Variants in FTO observed in about 807,000 individuals in gnomAD.
FTO encodes the protein FTO alpha-ketoglutarate dependent dioxygenase.
FTO carries 47 observed loss-of-function variants against 63.9 expected under a neutral mutation model. The ratio of observed to expected loss-of-function variants is 0.74; its 90% CI spans 0.58 to 0.94. The LOEUF (loss-of-function observed/expected upper bound fraction) is 0.94. Among genes scored for constraint, FTO ranks in the 40% least tolerant of loss-of-function variants. The probability of loss-of-function intolerance (pLI) is 0.00; values close to 1 mark genes in which losing one functional copy is unlikely to be tolerated. For synonymous variants in FTO, 207 were observed against 224.4 expected (o/e 0.92, Z 0.69); for missense variants, 562 against 618.1 (o/e 0.91, Z 0.96).
intron 1 of FTO, among the ~76,000 whole-genome samples, chr16:53,741,951 T>C (rs2076537078): frequency 6.6e-6 from 1 of 152,164 alleles, no homozygotes; most frequent in Non-Finnish European, 1.5e-5. Context: ...CCATACTGGC[T>C]GTTGGCTGGA....
At chr16:53,728,285 C>T (rs998018804) in intron 1 of FTO, among the ~76,000 whole-genome samples, 2 of 152,048 alleles carry the variant, frequency 1.3e-5, no homozygotes, top group Admixed American at 1.3e-4. Context: ...ATAAACATTC[C>T]AGAGCCTGAC....
intron 8 of FTO, among the ~76,000 whole-genome samples, chr16:53,977,211 G>A (rs1323069459): frequency 1.3e-5 from 2 of 152,004 alleles, no homozygotes; most frequent in African/African-American, 2.4e-5. Context: ...ATCAGATATT[G>A]TTTTGAGGGG....
At chr16:53,737,356 A>G (rs1211846183) in intron 1 of FTO, among the ~76,000 whole-genome samples, 1 of 152,210 alleles carries the variant, frequency 6.6e-6, no homozygotes, top group Non-Finnish European at 1.5e-5. Context: ...TGTGAACGTC[A>G]TAGAGTGCAC....
chr16:53,891,215 C>T (rs958486714), intron 7 of FTO, among the ~76,000 whole-genome samples: 1 of 152,058 alleles, frequency 6.6e-6, no homozygotes, highest in African/African-American at 2.4e-5. Flanking sequence ...TGGTCTCCAA[C>T]TCCTGACCTC....
intron 8 of FTO, chr16:54,070,237 C>T (rs552037714): frequency 3.3e-5 from 5 of 152,088 alleles, no homozygotes; most frequent in Admixed American, 6.5e-5. Context: ...AAATGAGACT[C>T]AGTTGAGATC....
At chr16:53,902,833 G>A (rs1363246503) in intron 7 of FTO, among the ~76,000 whole-genome samples, 2 of 152,182 alleles carry the variant, frequency 1.3e-5, no homozygotes, top group African/African-American at 4.8e-5. Context: ...TATCAACGTG[G>A]CCGGGCATGG....
intron 8 of FTO, among the ~76,000 whole-genome samples, chr16:54,086,187 A>G (rs1490533482): frequency 2.0e-5 from 3 of 152,228 alleles, no homozygotes; most frequent in South Asian, 2.1e-4. Flanking sequence ...ACACAATTAT[A>G]TAAAATTTCA....
In FTO at chr16:53,732,046, T is replaced by A. The variant is rs1340602487; in HGVS notation, c.45+27817T>A. On this transcript the variant is annotated intron_variant, in intron 1 of 8. Coordinates refer to ENST00000471389, the MANE Select transcript of FTO (RefSeq NM_001080432.3). ...CCAGCCCTCATTGTGGCCTTATTTT[T>A]TTTTTTTTTTTTTTTTTTTTGAGAC... 1.5e-5 allele frequency among the ~76,000 whole-genome samples: 2 copies of A among 133,830 alleles called. 1 individual carries two copies. The highest frequency in any genetic ancestry group is 5.0e-4 in the South Asian group (2 of 4,002). 87.8% of individuals were successfully genotyped at this position (133,830 alleles called of 152,430 possible).
At chr16:53,831,604 C>T (rs896897870) in intron 3 of FTO, among the ~76,000 whole-genome samples, 6 of 152,080 alleles carry the variant, frequency 3.9e-5, no homozygotes, top group African/African-American at 7.2e-5. Context: ...GACAAAAATC[C>T]CTGCCCTCAT....
At chr16:53,813,746 G>C (rs1426266985) in intron 2 of FTO, among the ~76,000 whole-genome samples, 2 of 152,138 alleles carry the variant, frequency 1.3e-5, no homozygotes, top group Non-Finnish European at 2.9e-5. Flanking sequence ...GATCCTTACA[G>C]TGTGCTAGGC....
chr16:53,712,549 A>G (rs1567919322), intron 1 of FTO, among the ~76,000 whole-genome samples: 2 of 152,156 alleles, frequency 1.3e-5, no homozygotes, highest in Non-Finnish European at 2.9e-5. Context: ...AACCAGCTAA[A>G]CTATCGAGTA....
chr16:53,877,445 A>G (rs2080689534), intron 5 of FTO, among the ~76,000 whole-genome samples: 1 of 152,226 alleles, frequency 6.6e-6, no homozygotes, highest in Non-Finnish European at 1.5e-5. Context: ...GTCACAAAAG[A>G]TACATATTAT....
intron 8 of FTO, among the ~76,000 whole-genome samples, chr16:53,950,200 G>A (rs998468342): frequency 2.1e-5 from 2 of 93,518 alleles, no homozygotes; most frequent in African/African-American, 5.9e-5. Flanking sequence ...GCTCACAGAT[G>A]GTCCTGTTCA....
At chr16:53,891,098 C>G (rs2081134482) in intron 7 of FTO, among the ~76,000 whole-genome samples, 1 of 151,490 alleles carries the variant, frequency 6.6e-6, no homozygotes, top group African/African-American at 2.4e-5. Context: ...TCAAGTGATT[C>G]TCCTGCCTCA....
In FTO at chr16:53,873,449, A is replaced by G. The variant is rs1381021955; in HGVS notation, c.896-337A>G. Among the ~76,000 whole-genome samples the G allele has an allele frequency of 2.7e-5, 4 of 149,898 alleles. No individual in the cohort carries two copies. The South Asian group carries it at 8.4e-4, about 31-fold the overall frequency. The stretch of plus-strand genomic sequence containing the variant: ...ATACATATTTAGTTATATACATATG[A>G]TTATATATATCTACTTATATATACT... On this transcript the variant is annotated intron_variant, in intron 4 of 8. Transcript: ENST00000471389.
intron 4 of FTO, among the ~76,000 whole-genome samples, chr16:53,865,955 GAGACATCCTT>G (rs1278437703): frequency 6.6e-6 from 1 of 152,144 alleles, no homozygotes. Context: ...ATGTTGAGAG[GAGACATCCTT>G]GTCTTTTTCT....
intron 8 of FTO, among the ~76,000 whole-genome samples, chr16:54,020,974 A>C (rs2144145852): frequency 6.6e-6 from 1 of 152,320 alleles, no homozygotes; most frequent in South Asian, 2.1e-4. Flanking sequence ...TTGTCTCAAA[A>C]AAAGAAAAAA....
intron 8 of FTO, among the ~76,000 whole-genome samples, chr16:54,003,526 C>A (rs1435465667): frequency 2.0e-5 from 3 of 151,910 alleles, no homozygotes; most frequent in African/African-American, 7.3e-5. Context: ...AAAATCTGTT[C>A]TTTATTTTTT....
At chr16:53,836,317 G>T (rs976050587) in intron 3 of FTO, among the ~76,000 whole-genome samples, 1 of 152,164 alleles carries the variant, frequency 6.6e-6, no homozygotes, top group African/African-American at 2.4e-5. Flanking sequence ...CGTCCTAGAA[G>T]TGCTCCCTTC....
Sources: gnomAD v4.1 joint callset for allele counts (sites outside exome capture counted in the v4.1 genomes callset) on GRCh38, gnomAD v4.1.1 for gene constraint, MANE v1.5 for transcripts, NCBI Gene and HGNC (gene_info 2026-07-23, HGNC 2026-07-21) for gene names.